The following DCTN3 variants were observed in gnomAD, a reference collection of about 807,000 sequenced individuals.
DCTN3 encodes dynactin 3 (p22).
DCTN3 carries 25 observed loss-of-function variants against 28.4 expected under a neutral mutation model. The observed-to-expected ratio is 0.88, with a 90% CI of 0.64 to 1.23. The LOEUF (loss-of-function observed/expected upper bound fraction) is 1.23, where lower values mean the gene tolerates loss of function less well. DCTN3 is among the 50% of genes most tolerant of loss of function. The pLI, the probability that DCTN3 is intolerant of heterozygous loss-of-function variation, is 0.00. For missense variants in DCTN3, 229 were observed against 232.0 expected (o/e 0.99, Z 0.08); for synonymous variants, 81 against 91.4 (o/e 0.89, Z 0.65).
At chr9:34,615,956 C>A in intron 4 of DCTN3, 74 bp downstream of exon 4, 4 of 1,199,308 alleles carry the variant, frequency 3.3e-6, no homozygotes, top group East Asian at 2.5e-5. Context: ...CAACCTGAAA[C>A]ACAGGAAAGT....
chr9:34,620,339 A>T (rs1247509062), intron 1 of DCTN3, 30 bp downstream of exon 1: 1 of 1,602,096 alleles, frequency 6.2e-7, no homozygotes, highest in Non-Finnish European at 8.5e-7. Context: ...GCTCTGCTCC[A>T]GAAAGGGACT....
At position 34,613,793 on chromosome 9, in the gene DCTN3, C is replaced by T. The variant is rs139666728; in HGVS notation, c.550G>A (p.Ala184Thr). 6 of 1,613,962 alleles carry T rather than the reference C, an allele frequency of 3.7e-6. No homozygotes were observed. In the African/African-American group the frequency reaches 8.0e-5, roughly 21 times the overall value. Reference protein sequence around the residue: ...QLEAATQVKPAEE With the variant: ...QLEAATQVKPTEE Reference sequence around the variant, plus strand: ...ATGGGGAGCAGCTATCACTCCTCTGCTGGCTTCACTTGCGTGGCGGCCTCT... The same window carrying T: ...ATGGGGAGCAGCTATCACTCCTCTGTTGGCTTCACTTGCGTGGCGGCCTCT... The change falls in exon 7 of 7, where the codon GCA (alanine) becomes ACA (threonine). Residue 184 changes from alanine to threonine, a missense_variant. Coordinates refer to ENST00000259632, the MANE Select transcript of DCTN3 (RefSeq NM_007234.5).
In DCTN3 at chr9:34,616,172, C is replaced by T. The variant is rs1185397447; in HGVS notation, c.269-59G>A. ...AGCAAACCTGGGCATTGCTAATCAG[C>T]CCATGTAAGGGCCTGAGGACCTGGC... On this transcript the variant is annotated intron_variant, in intron 3 of 6. Transcript: ENST00000259632. This position sits in a 1 kb window ranked among gnomAD's most constrained non-coding sequence, Gnocchi z 4.7. 2.1e-6 allele frequency: 3 copies of T among 1,396,264 alleles called. No individual in the cohort carries two copies. Among genetic ancestry groups the T allele is most frequent in the Non-Finnish European group, 3.0e-6 (3 of 987,872 alleles). 86.5% of individuals were successfully genotyped at this position (1,396,264 alleles called of 1,614,324 possible). A position where few individuals can be genotyped will look rare whatever the true frequency, so the allele number is the denominator to read the frequency against.
Position 34,616,234 on chromosome 9 carries a change from ACT to A in DCTN3, c.269-123_269-122del. On this transcript the variant is annotated intron_variant, in intron 3 of 6. Transcript: ENST00000259632. The surrounding 1 kb of genome is among the most constrained non-coding windows in gnomAD (Gnocchi z 4.7). ...CTAGGTCCTAGAGCTTTGGACAGTGACTCTGTCCACTGCCCCCTTCTCTAGGT... is the reference window on the plus strand; with the variant it reads ...CTAGGTCCTAGAGCTTTGGACAGTGACTGTCCACTGCCCCCTTCTCTAGGT... The A allele has an allele frequency of 1.5e-6, 1 of 666,652 alleles. No homozygotes were observed. The highest frequency in any genetic ancestry group is 2.7e-6 in the Non-Finnish European group (1 of 373,774). The allele number at this position is 666,652 out of a possible 1,614,324, so 41.3% of individuals were successfully genotyped here.
intron 5 of DCTN3, 58 bp downstream of exon 5, chr9:34,614,652 T>A (rs765223267): frequency 6.3e-7 from 1 of 1,597,712 alleles, no homozygotes. Context: ...GTGGCATGAG[T>A]TGGGATGAGG....
intron 3 of DCTN3, 195 bp downstream of exon 3, chr9:34,617,690 G>A (rs980070909): frequency 6.7e-7 from 1 of 1,487,054 alleles, no homozygotes; most frequent in Admixed American, 2.0e-5. Flanking sequence ...GCCTGCAGCT[G>A]GTGCAGAGGT....
rs150631162 is a variant in DCTN3, at chr9:34,617,910, G to A, written c.243C>T (p.Ala81=). Residue 81 remains alanine, a synonymous_variant, in exon 3 of 7, where the codon GCC becomes GCT. Coordinates refer to ENST00000259632, the MANE Select transcript of DCTN3 (RefSeq NM_007234.5). ...EYIDRIAIPD[A]SKLQFILAEE... is the part of the protein sequence containing the mutation. ...CTGCTAGGATGAATTGCAGCTTAGA[G>A]GCATCAGGTATGGCAATGCGGTCGA... 6.2e-7 allele frequency: 1 copy of A among 1,614,016 alleles called. No individual in the cohort carries two copies. The highest frequency in any genetic ancestry group is 1.3e-5 in the African/African-American group (1 of 75,050).
At chr9:34,614,873 C>G in intron 4 of DCTN3, 105 bp from the exon 5 acceptor site, 1 of 1,397,230 alleles carries the variant, frequency 7.2e-7, no homozygotes. Context: ...AGTGGAGAAG[C>G]TAAACAAACG....
rs1820416386 is a variant in DCTN3 at position 34,615,933 on chromosome 9, A to G, written c.352+97T>C. On this transcript the variant is annotated intron_variant, in intron 4 of 6. Coordinates refer to ENST00000259632, the MANE Select transcript of DCTN3 (RefSeq NM_007234.5). The stretch of plus-strand genomic sequence containing the variant: ...AAAAAAAAGATAAGGAACAGACCCA[A>G]CCCGAATCCACACAACCTGAAACAC... The G allele has an allele frequency of 4.1e-6, 4 of 982,912 alleles. No individual in the cohort carries two copies. The South Asian group carries it at 4.4e-5, about 11-fold the overall frequency. 60.9% of individuals were successfully genotyped at this position (982,912 alleles called of 1,614,324 possible). A position where few individuals can be genotyped will look rare whatever the true frequency, so the allele number is the denominator to read the frequency against.
Position 34,616,216 on chromosome 9 carries a change from C to T in DCTN3, c.269-103G>A. 1 of 808,784 alleles carries T rather than the reference C, an allele frequency of 1.2e-6. No individual in the cohort carries two copies. The highest frequency in any genetic ancestry group is 2.1e-6 in the Non-Finnish European group (1 of 483,868). The allele number at this position is 808,784 out of a possible 1,614,324, so 50.1% of individuals were successfully genotyped here. A position where few individuals can be genotyped will look rare whatever the true frequency, so the allele number is the denominator to read the frequency against. Reference sequence around the variant, plus strand: ...ACCTGGCAAGGGAGATGGCTAGGTCCTAGAGCTTTGGACAGTGACTCTGTC... The same window carrying T: ...ACCTGGCAAGGGAGATGGCTAGGTCTTAGAGCTTTGGACAGTGACTCTGTC... On this transcript the variant is annotated intron_variant, in intron 3 of 6. Coordinates refer to ENST00000259632, the MANE Select transcript of DCTN3 (RefSeq NM_007234.5). The surrounding 1 kb of genome is among the most constrained non-coding windows in gnomAD (Gnocchi z 4.7).
At position 34,620,433 on chromosome 9, in the gene DCTN3, T is replaced by G; in HGVS notation, c.32A>C (p.Gln11Pro). The G allele has an allele frequency of 3.9e-6, 6 of 1,557,932 alleles. No individual in the cohort carries two copies. The highest frequency in any genetic ancestry group is 5.2e-6 in the Non-Finnish European group (6 of 1,151,634). MAGLTDLQRL[Q>P]ARVEELERWV... ...GCGCTCCAGCTCTTCCACTCGGGCC[T>G]GTAGCCGCTGCAAGTCAGTCAGACC... Residue 11 changes from glutamine to proline, a missense_variant, in exon 1 of 7, where the codon CAG becomes CCG. Physicochemically the swap from Gln to Pro is moderately conservative, Grantham distance 76. Transcript: ENST00000259632.
chr9:34,614,676 C>T (rs985568980), intron 5 of DCTN3, 34 bp downstream of exon 5: 2 of 1,613,482 alleles, frequency 1.2e-6, no homozygotes, highest in Non-Finnish European at 1.7e-6. Context: ...TGCGCCACCT[C>T]CATCTTCGCT....
rs752751196 is a variant in DCTN3 at position 34,614,785 on chromosome 9, A to G, written c.353-17T>C. On this transcript the variant is annotated splice_polypyrimidine_tract_variant and intron_variant, in intron 4 of 6. Coordinates refer to ENST00000259632, the MANE Select transcript of DCTN3 (RefSeq NM_007234.5). ...CAGGAACGGCTGTAAAACACAACAC[A>G]CACTGCTGGATGATGCTTGTGCCCT... 7 of 1,613,794 alleles carry G rather than the reference A, an allele frequency of 4.3e-6. No individual in the cohort carries two copies. The highest frequency in any genetic ancestry group is 5.9e-6 in the Non-Finnish European group (7 of 1,179,986).
At position 34,613,829 on chromosome 9, in the gene DCTN3, G is replaced by A. The variant is rs1472301064; in HGVS notation, c.514C>T (p.Leu172Phe). 1.1e-5 allele frequency: 17 copies of A among 1,614,194 alleles called. No homozygotes were observed. The highest frequency in any genetic ancestry group is 1.4e-5 in the Non-Finnish European group (16 of 1,180,034). Residue 172 changes from leucine to phenylalanine, a missense_variant, in exon 7 of 7, where the codon CTT (leucine) becomes TTT (phenylalanine). Transcript: ENST00000259632. ...TGCGTGGCGGCCTCTAGCTGGCAAA[G>A]TAGCTCATCCCACTGCACGAATTGC... is the stretch of plus-strand genomic sequence containing the variant. ...SKQFVQWDEL[L>F]CQLEAATQVK...
intron 4 of DCTN3, 105 bp downstream of exon 4, chr9:34,615,925 C>G (rs1820416072): frequency 2.6e-6 from 2 of 770,898 alleles, no homozygotes. Context: ...AGATAAGGAA[C>G]AGACCCAACC....
chr9:34,617,650 G>A (rs1182702650), intron 3 of DCTN3: 1 of 1,452,076 alleles, frequency 6.9e-7, no homozygotes, highest in Admixed American at 2.1e-5. Flanking sequence ...ATAGAACACT[G>A]GACTAGCTCC....
At chr9:34,615,807 T>A in intron 4 of DCTN3, 1 of 366,608 alleles carries the variant, frequency 2.7e-6, no homozygotes, top group Non-Finnish European at 4.9e-6. Context: ...GGAGGCAAGG[T>A]GGGAAGTTTG....
intron 4 of DCTN3, 115 bp downstream of exon 4, chr9:34,615,915 A>T: frequency 1.4e-6 from 1 of 739,502 alleles, no homozygotes; most frequent in Non-Finnish European, 2.1e-6. Context: ...AAAAAAAAAA[A>T]GATAAGGAAC....
chr9:34,618,738 A>G lies in DCTN3; in HGVS notation c.119T>C (p.Val40Ala). The G allele has an allele frequency of 6.2e-7, 1 of 1,614,146 alleles. No homozygotes were observed. The highest frequency in any genetic ancestry group is 8.5e-7 in the Non-Finnish European group (1 of 1,180,014). The stretch of plus-strand genomic sequence containing the variant: ...GGAAATGTTCCCCAAAGCCACCTGC[A>G]CCTTGACCAGGCCGTCAGCCACCTG... ...SRKVADGLVK[V>A]QVALGNISSK... The change falls in exon 2 of 7, where the codon GTG becomes GCG. Residue 40 changes from valine (V) to alanine (A), a missense_variant. Physicochemically the swap from Val to Ala is moderately conservative, Grantham distance 64 (BLOSUM62 0). Transcript: ENST00000259632.
Sources: allele counts gnomAD v4.1 joint callset, GRCh38; gene constraint gnomAD v4.1.1; non-coding constraint Gnocchi (gnomAD v3.1); transcripts MANE v1.5; gene names NCBI Gene and HGNC (gene_info 2026-07-23, HGNC 2026-07-21).